MSR1: variants seen among roughly 807,000 people sequenced by gnomAD.
MSR1 encodes the protein macrophage scavenger receptor 1, also known as macrophage scavenger receptor types I and II.
A neutral mutation model predicts 47.2 loss-of-function variants in MSR1; 53 were observed. The observed-to-expected ratio is 1.12, with a 90% CI of 0.90 to 1.41. MSR1 has a LOEUF of 1.41. Among genes scored for constraint, MSR1 ranks in the 40% most tolerant of loss-of-function variants. MSR1 has a pLI of 0.00. For missense variants in MSR1, 786 were observed against 546.9 expected, an observed-to-expected ratio of 1.44 and a Z score of -4.36; for synonymous variants, 239 against 185.6, an observed-to-expected ratio of 1.29 and a Z score of -2.34.
At chr8:16,134,915 G>A (rs1014173994) in intron 8 of MSR1, among the ~76,000 whole-genome samples, 1 of 152,146 alleles carries the variant, frequency 6.6e-6, no homozygotes, top group Admixed American at 6.5e-5. Context: ...TCCAAGTCCA[G>A]AGCAAGGCTC....
In MSR1 at chr8:16,108,633, C is replaced by T. The variant is rs775753829; in HGVS notation, c.*1452G>A. Reference sequence around the variant, plus strand: ...AAAGTGTACATTCAGAATTCATTCTCTTAACCACAAAATTATGCTGCCAGA... The same window carrying T: ...AAAGTGTACATTCAGAATTCATTCTTTTAACCACAAAATTATGCTGCCAGA... On this transcript the variant is annotated 3_prime_UTR_variant, in exon 10 of 10. Transcript: ENST00000262101. The T allele has an allele frequency of 3.1e-4, 47 of 152,284 alleles. 1 individual carries two copies. The highest frequency in any genetic ancestry group is 2.2e-3 in the Admixed American group (33 of 15,292). The allele number at this position is 152,284 out of a possible 1,614,324, so 9.4% of individuals were successfully genotyped here.
intron 8 of MSR1, chr8:16,139,530 A>C (rs1800473543): frequency 1.0e-6 from 1 of 984,460 alleles, no homozygotes; most frequent in African/African-American, 1.8e-5. Flanking sequence ...AACGTAAAGG[A>C]AAGAAGAGTT....
At chr8:16,143,941 C>A (rs1335924191) in intron 7 of MSR1, among the ~76,000 whole-genome samples, 2 of 152,080 alleles carry the variant, frequency 1.3e-5, no homozygotes, top group Non-Finnish European at 2.9e-5. Flanking sequence ...CTCACACCCC[C>A]AGGAAGTCCA....
At chr8:16,152,555 A>T (rs1800889642) in intron 6 of MSR1, among the ~76,000 whole-genome samples, 1 of 152,092 alleles carries the variant, frequency 6.6e-6, no homozygotes, top group Admixed American at 6.6e-5. Context: ...GCAGCCAGAG[A>T]AGCCTTCAGT....
In MSR1 at chr8:16,158,567, A is replaced by G. The variant is rs528344209; in HGVS notation, c.818-3423T>C. Among the ~76,000 whole-genome samples, 3 of 151,844 alleles carry G rather than the reference A, an allele frequency of 2.0e-5. No individual in the cohort carries two copies. In the South Asian group the frequency reaches 6.2e-4, roughly 32 times the overall value. On this transcript the variant is annotated intron_variant, in intron 5 of 9. Transcript: ENST00000262101. Reference sequence around the variant, plus strand: ...TCTACTCCGTTTTCAATCTTGTCTCATATTCAGATCATCATAAAAATCTGC... The same window carrying G: ...TCTACTCCGTTTTCAATCTTGTCTCGTATTCAGATCATCATAAAAATCTGC...
intron 5 of MSR1, among the ~76,000 whole-genome samples, 177 bp from the exon 6 acceptor site, chr8:16,155,321 T>C (rs1185706426): frequency 2.0e-5 from 3 of 151,964 alleles, no homozygotes; most frequent in Non-Finnish European, 4.4e-5. Flanking sequence ...AGGAATATAA[T>C]GCCCTATACT....
In MSR1 at chr8:16,140,067, C is replaced by G. The variant is rs1408383832; in HGVS notation, c.1033+3491G>C. The G allele has an allele frequency of 4.8e-6, 4 of 841,730 alleles. No homozygotes were observed. The African/African-American group carries it at 6.6e-5, about 14-fold the overall frequency. 52.1% of individuals were successfully genotyped at this position (841,730 alleles called of 1,614,324 possible). ...CTGTTATGTCCAGCTCATGGAGGTA[C>G]ATAATGGACATGTGAATTAATGATT... On this transcript the variant is annotated intron_variant, in intron 8 of 9. Transcript: ENST00000262101.
At chr8:16,138,819 C>T (rs957931329) in intron 8 of MSR1, among the ~76,000 whole-genome samples, 1 of 152,146 alleles carries the variant, frequency 6.6e-6, no homozygotes, top group Non-Finnish European at 1.5e-5. Flanking sequence ...AGTATCTGAA[C>T]AAGTGGCTAA....
Position 16,168,787 on chromosome 8 carries a change from C to G in MSR1, c.301G>C (p.Gly101Arg). The G allele has an allele frequency of 1.2e-6, 2 of 1,614,066 alleles. No homozygotes were observed. Among genetic ancestry groups the G allele is most frequent in the Non-Finnish European group, 1.7e-6 (2 of 1,180,008 alleles). The change falls in exon 4 of 10, where the codon GGA becomes CGA. Residue 101 changes from glycine to arginine, a missense_variant. Coordinates refer to ENST00000262101, the MANE Select transcript of MSR1 (RefSeq NM_138715.3). The part of the protein sequence containing the change: ...NDITQSLTGK[G>R]NDSEEEMRFQ... ...CTCATTTCCTCTTCGCTGTCATTTC[C>G]TTTTCCCGTGAGACTTTGAGTTATA...
intron 8 of MSR1, among the ~76,000 whole-genome samples, chr8:16,127,810 T>C (rs1424340396): frequency 6.6e-6 from 1 of 152,156 alleles, no homozygotes; most frequent in Non-Finnish European, 1.5e-5. Context: ...AGACTCTATT[T>C]TGTGATTAAA....
intron 9 of MSR1, among the ~76,000 whole-genome samples, chr8:16,117,265 C>T (rs956479353): frequency 6.6e-6 from 1 of 152,096 alleles, no homozygotes; most frequent in Non-Finnish European, 1.5e-5. Context: ...GTGAATTACA[C>T]ATGTGAGGGA....
chr8:16,135,793 A>G (rs1800374385), intron 8 of MSR1, among the ~76,000 whole-genome samples: 1 of 152,100 alleles, frequency 6.6e-6, no homozygotes, highest in African/African-American at 2.4e-5. Context: ...GGTTAACTGA[A>G]ATTTGGAAGA....
At chr8:16,189,836 A>AT (rs1382927861) in intron 1 of MSR1, among the ~76,000 whole-genome samples, 2 of 143,354 alleles carry the variant, frequency 1.4e-5, no homozygotes, top group South Asian at 2.1e-4. Context: ...CTAAAATATA[A>AT]TTTTTTCTTT....
At chr8:16,122,938 G>A (rs1268381707) in intron 8 of MSR1, among the ~76,000 whole-genome samples, 3 of 146,792 alleles carry the variant, frequency 2.0e-5, no homozygotes, top group Non-Finnish European at 3.0e-5. Context: ...TCCACCTCCC[G>A]GGTTCAAGCC....
At chr8:16,125,381 G>C (rs1348645760) in intron 8 of MSR1, among the ~76,000 whole-genome samples, 1 of 152,080 alleles carries the variant, frequency 6.6e-6, no homozygotes, top group Non-Finnish European at 1.5e-5. Flanking sequence ...GTGAGATTTT[G>C]CTTCTGGGAT....
intron 3 of MSR1, among the ~76,000 whole-genome samples, chr8:16,173,946 G>C (rs888901512): frequency 1.3e-5 from 2 of 152,146 alleles, no homozygotes; most frequent in Non-Finnish European, 2.9e-5. Context: ...ACCGTGCCCA[G>C]CTGACTTTTT....
chr8:16,187,476 C>T (rs970617075), intron 1 of MSR1, among the ~76,000 whole-genome samples: 4 of 151,406 alleles, frequency 2.6e-5, no homozygotes, highest in African/African-American at 7.3e-5. Context: ...GCTTTGTCTT[C>T]CCCACCCTGG....
intron 3 of MSR1, among the ~76,000 whole-genome samples, chr8:16,173,138 T>C (rs1376004599): frequency 1.3e-5 from 2 of 152,236 alleles, no homozygotes; most frequent in Non-Finnish European, 1.5e-5. Context: ...TCAATTTTAG[T>C]CGGTACCTAC....
chr8:16,145,724 C>T (rs930395009), intron 7 of MSR1, among the ~76,000 whole-genome samples: 11 of 151,908 alleles, frequency 7.2e-5, no homozygotes, highest in African/African-American at 2.4e-4. Flanking sequence ...AAAAAACAAA[C>T]AAATGTTTTG....
Sources: allele counts gnomAD v4.1 joint callset (sites outside exome capture counted in the v4.1 genomes callset), GRCh38; gene constraint gnomAD v4.1.1; transcripts MANE v1.5; gene names NCBI Gene and HGNC (gene_info 2026-07-23, HGNC 2026-07-21).